NRXN3: variants seen among roughly 807,000 people sequenced by gnomAD.
The protein encoded by NRXN3 is neurexin 3.
A neutral mutation model predicts 137.6 loss-of-function variants in NRXN3; 32 were observed. The ratio of observed to expected loss-of-function variants is 0.23; its 90% CI spans 0.18 to 0.31. The LOEUF (loss-of-function observed/expected upper bound fraction) is 0.31. NRXN3 is among the 10% of genes least tolerant of loss of function. The pLI is 1.00. For synonymous variants in NRXN3, 798 were observed against 784.5 expected, an observed-to-expected ratio of 1.02 and a Z score of -0.29; for missense variants, 1,574 against 2,062.5, an observed-to-expected ratio of 0.76 and a Z score of 4.59.
intron 8 of NRXN3, among the ~76,000 whole-genome samples, chr14:78,745,782 AT>A (rs2098604463): frequency 6.6e-6 from 1 of 152,202 alleles, no homozygotes; most frequent in African/African-American, 2.4e-5. Flanking sequence ...TGATTAAAAA[AT>A]ATTTAATTTC....
intron 19 of NRXN3, among the ~76,000 whole-genome samples, chr14:79,787,984 A>G (rs1329895775): frequency 6.6e-6 from 1 of 152,094 alleles, no homozygotes; most frequent in Non-Finnish European, 1.5e-5. Flanking sequence ...GTCTGTTCTC[A>G]TGCTGCTAAT....
intron 4 of NRXN3, among the ~76,000 whole-genome samples, chr14:78,598,656 G>A (rs927544879): frequency 1.3e-5 from 2 of 152,208 alleles, no homozygotes; most frequent in Admixed American, 6.5e-5. Flanking sequence ...TTCCCAAAGG[G>A]AGCTGGTTAA....
At position 78,376,150 on chromosome 14, in the gene NRXN3, G is replaced by T. The variant is rs542493941; in HGVS notation, c.757+78290G>T. Reference sequence around the variant, plus strand: ...ATTAAAGTAGCAGGACTAAAAATGGGCATGTTTAGCCAGGGAGGCATCATT... The same window carrying T: ...ATTAAAGTAGCAGGACTAAAAATGGTCATGTTTAGCCAGGGAGGCATCATT... On this transcript the variant is annotated intron_variant, in intron 4 of 20. Coordinates refer to ENST00000335750, the MANE Select transcript of NRXN3 (RefSeq NM_001330195.2). 4.6e-5 allele frequency among the ~76,000 whole-genome samples: 7 copies of T among 152,200 alleles called. No individual in the cohort carries two copies. In the South Asian group the frequency reaches 1.5e-3, roughly 32 times the overall value.
chr14:78,440,817 A>T (rs2094219522), intron 4 of NRXN3, among the ~76,000 whole-genome samples: 1 of 152,016 alleles, frequency 6.6e-6, no homozygotes. Flanking sequence ...CCCAAACTGA[A>T]TGATTGTCTT....
intron 19 of NRXN3, among the ~76,000 whole-genome samples, chr14:79,773,824 A>C (rs1173691333): frequency 6.6e-5 from 10 of 150,616 alleles, no homozygotes; most frequent in Admixed American, 6.6e-4. Context: ...AATAAAAATA[A>C]AAATACAAAA....
chr14:79,102,230 A>G (rs1568294710), intron 15 of NRXN3, among the ~76,000 whole-genome samples: 1 of 152,196 alleles, frequency 6.6e-6, no homozygotes, highest in Non-Finnish European at 1.5e-5. Context: ...TTTCTCACCC[A>G]AAGACGTGAC....
intron 16 of NRXN3, among the ~76,000 whole-genome samples, chr14:79,599,417 A>T (rs567841766): frequency 1.3e-5 from 2 of 152,292 alleles, no homozygotes; most frequent in South Asian, 4.1e-4. Context: ...GTTGCATCAC[A>T]CCTTCTCTCT....
intron 8 of NRXN3, among the ~76,000 whole-genome samples, chr14:78,784,759 T>C (rs2098783326): frequency 6.6e-6 from 1 of 152,140 alleles, no homozygotes; most frequent in South Asian, 2.1e-4. Flanking sequence ...GATGGGGGCT[T>C]TGACTACAGG....
chr14:79,444,376 A>G (rs2096019978), intron 15 of NRXN3, among the ~76,000 whole-genome samples: 1 of 152,248 alleles, frequency 6.6e-6, no homozygotes, highest in Admixed American at 6.5e-5. Context: ...CTTACAGGAT[A>G]TATGAACTAA....
chr14:78,643,249 T>C (rs1299808068), intron 4 of NRXN3, among the ~76,000 whole-genome samples: 1 of 152,220 alleles, frequency 6.6e-6, no homozygotes. Flanking sequence ...CAGATCTGAG[T>C]TGAAGTGGAC....
At chr14:78,682,417 A>G (rs1029487601) in intron 6 of NRXN3, among the ~76,000 whole-genome samples, 2 of 151,412 alleles carry the variant, frequency 1.3e-5, no homozygotes, top group Non-Finnish European at 2.9e-5. Flanking sequence ...TTTTTGAGGA[A>G]ATAAAAGCCC....
intron 15 of NRXN3, among the ~76,000 whole-genome samples, chr14:79,186,847 G>A (rs555723178): frequency 6.6e-6 from 1 of 152,280 alleles, no homozygotes; most frequent in African/African-American, 2.4e-5. Flanking sequence ...ATTTAAGGCC[G>A]TTAACAAGAA....
intron 15 of NRXN3, among the ~76,000 whole-genome samples, chr14:79,129,195 T>C (rs1568372490): frequency 6.6e-6 from 1 of 151,882 alleles, no homozygotes; most frequent in Non-Finnish European, 1.5e-5. Flanking sequence ...TGCTCTGATT[T>C]TAGTTATTTC....
chr14:79,223,078 A>G (rs1379431706), intron 15 of NRXN3, among the ~76,000 whole-genome samples: 1 of 152,016 alleles, frequency 6.6e-6, no homozygotes, highest in Non-Finnish European at 1.5e-5. Flanking sequence ...ATTATTTTCT[A>G]TTTTTCTTGT....
At chr14:79,701,317 T>C (rs1011666104) in intron 19 of NRXN3, among the ~76,000 whole-genome samples, 8 of 152,108 alleles carry the variant, frequency 5.3e-5, no homozygotes, top group African/African-American at 1.7e-4. Flanking sequence ...AAAACAATTA[T>C]GTCATTAGAT....
At chr14:78,285,174 T>C (rs562451284) in intron 3 of NRXN3, among the ~76,000 whole-genome samples, 11 of 152,186 alleles carry the variant, frequency 7.2e-5, no homozygotes, top group Non-Finnish European at 1.3e-4. Context: ...CTGAGATACC[T>C]TGGGGAATAG....
intron 4 of NRXN3, among the ~76,000 whole-genome samples, chr14:78,317,019 A>G (rs541175162): frequency 2.0e-5 from 3 of 152,160 alleles, no homozygotes; most frequent in Non-Finnish European, 4.4e-5. Flanking sequence ...GAACTGGCTC[A>G]CGTGATTAGG....
intron 6 of NRXN3, among the ~76,000 whole-genome samples, chr14:78,660,412 A>T (rs1393880994): frequency 6.6e-6 from 1 of 152,016 alleles, no homozygotes; most frequent in Non-Finnish European, 1.5e-5. Context: ...CCCTAAATCA[A>T]TTAGAGACTC....
chr14:79,557,632 A>C (rs2153767303), intron 16 of NRXN3, among the ~76,000 whole-genome samples: 1 of 152,320 alleles, frequency 6.6e-6, no homozygotes, highest in Non-Finnish European at 1.5e-5. Context: ...TACAAACCTT[A>C]ATTATAAATA....
Sources: gnomAD v4.1 joint callset for allele counts (sites outside exome capture counted in the v4.1 genomes callset) on GRCh38, gnomAD v4.1.1 for gene constraint, MANE v1.5 for transcripts, NCBI Gene and HGNC (gene_info 2026-07-23, HGNC 2026-07-21) for gene names.